Variants in PCGF6 observed in about 807,000 individuals in gnomAD.
PCGF6 encodes polycomb group ring finger 6.
PCGF6 carries 24 observed loss-of-function variants against 45.5 expected under a neutral mutation model. That is an observed-to-expected ratio of 0.53 (90% confidence interval 0.38 to 0.74). The LOEUF (loss-of-function observed/expected upper bound fraction) is 0.74, where lower values mean the gene tolerates loss of function less well. Among genes scored for constraint, PCGF6 ranks in the 30% least tolerant of loss-of-function variants. The probability of loss-of-function intolerance (pLI) is 0.00; values close to 1 mark genes in which losing one functional copy is unlikely to be tolerated. For missense variants in PCGF6, 356 were observed against 443.2 expected (o/e 0.80, Z 1.77); for synonymous variants, 152 against 162.1 (o/e 0.94, Z 0.47).
intron 7 of PCGF6, among the ~76,000 whole-genome samples, chr10:103,329,011 C>G (rs1350481937): frequency 1.3e-5 from 2 of 151,750 alleles, no homozygotes; most frequent in Admixed American, 6.6e-5. Flanking sequence ...TCCCGAAGTG[C>G]TGGGATTACA....
chr10:103,349,154 T>C (rs570026874), intron 1 of PCGF6, among the ~76,000 whole-genome samples, 155 bp from the exon 2 acceptor site: 1 of 152,144 alleles, frequency 6.6e-6, no homozygotes, highest in East Asian at 1.9e-4. Context: ...TTAAAGCGAT[T>C]CTCCTGTCTC....
intron 6 of PCGF6, among the ~76,000 whole-genome samples, chr10:103,343,982 C>T (rs1000113339): frequency 2.0e-5 from 3 of 151,896 alleles, no homozygotes; most frequent in African/African-American, 7.2e-5. Context: ...AATTTGTTTA[C>T]GGCAACATTG....
At chr10:103,329,861 C>T (rs1176447145) in intron 7 of PCGF6, among the ~76,000 whole-genome samples, 1 of 151,950 alleles carries the variant, frequency 6.6e-6, no homozygotes, top group Non-Finnish European at 1.5e-5. Context: ...TCACTGCAAA[C>T]TCTGCCTCCT....
In PCGF6 at chr10:103,326,721, T is replaced by C. The variant is rs1592064737; in HGVS notation, c.811-89A>G. On this transcript the variant is annotated intron_variant, in intron 7 of 9. Transcript: ENST00000369847. The stretch of plus-strand genomic sequence containing the variant: ...TGTATATATATGTAATGTGTAAACA[T>C]TAAAGAAAATTTTATAGCGAAGATG... 12 of 855,726 alleles carry C rather than the reference T, an allele frequency of 1.4e-5. No homozygotes were observed. The East Asian group carries it at 3.1e-4, about 22-fold the overall frequency. 53.0% of individuals were successfully genotyped at this position (855,726 alleles called of 1,614,324 possible). A position where few individuals can be genotyped will look rare whatever the true frequency, so the allele number is the denominator to read the frequency against.
At chr10:103,323,303 CTTTT>C (rs892888362) in intron 8 of PCGF6, among the ~76,000 whole-genome samples, 1 of 149,438 alleles carries the variant, frequency 6.7e-6, no homozygotes, top group African/African-American at 2.5e-5. Context: ...CTTTCAGTCA[CTTTT>C]TTTTTTGAGT....
chr10:103,346,953 T>C (rs1440672171), intron 5 of PCGF6, among the ~76,000 whole-genome samples: 1 of 152,242 alleles, frequency 6.6e-6, no homozygotes, highest in East Asian at 1.9e-4. Context: ...AGTGGTATGA[T>C]TATCATTATT....
chr10:103,316,009 T>TAGAGAGAGAG (rs1398812514), intron 8 of PCGF6, among the ~76,000 whole-genome samples: 1 of 127,336 alleles, frequency 7.9e-6, no homozygotes, highest in South Asian at 2.4e-4. Context: ...TATATATATA[T>TAGAGAGAGAG]ATATAGAGAG....
intron 7 of PCGF6, among the ~76,000 whole-genome samples, chr10:103,331,370 G>C (rs941159193): frequency 6.6e-6 from 1 of 151,992 alleles, no homozygotes; most frequent in African/African-American, 2.4e-5. Context: ...TGATTCTCTT[G>C]CCTCAGCTTC....
At chr10:103,325,285 G>A (rs934415785) in intron 8 of PCGF6, among the ~76,000 whole-genome samples, 8 of 151,944 alleles carry the variant, frequency 5.3e-5, no homozygotes, top group African/African-American at 7.3e-5. Context: ...ACGGAGTCTC[G>A]CTCTGTCGTC....
chr10:103,332,175 A>G (rs2093242469), intron 7 of PCGF6, among the ~76,000 whole-genome samples: 1 of 152,220 alleles, frequency 6.6e-6, no homozygotes, highest in South Asian at 2.1e-4. Flanking sequence ...TGTCTTGGCA[A>G]GAACACTTCA....
chr10:103,348,134 T>C (rs964652671), intron 3 of PCGF6, among the ~76,000 whole-genome samples: 3 of 152,118 alleles, frequency 2.0e-5, no homozygotes, highest in Non-Finnish European at 4.4e-5. Flanking sequence ...GAATTTGGAA[T>C]ACCTATATAC....
chr10:103,326,388 C>CAA (rs371726949), intron 8 of PCGF6, 146 bp downstream of exon 8: 3,180 of 237,858 alleles, frequency 0.013, no homozygotes, highest in South Asian at 0.017. Flanking sequence ...GACTCCATCT[C>CAA]AAAAAAAAAA....
At chr10:103,317,231 A>C (rs2093179309) in intron 8 of PCGF6, among the ~76,000 whole-genome samples, 1 of 152,002 alleles carries the variant, frequency 6.6e-6, no homozygotes, top group Admixed American at 6.6e-5. Context: ...GCCTGGTCTC[A>C]AACTCCTAAC....
chr10:103,342,953 G>C lies in PCGF6; in HGVS notation c.782+2071C>G, dbSNP rs573509844. On this transcript the variant is annotated intron_variant, in intron 6 of 9. Coordinates refer to ENST00000369847, the MANE Select transcript of PCGF6 (RefSeq NM_001011663.2). ...CTTTTAGGGGTTCTTTTCTTTTTGA[G>C]ACGGAGTCTCTGCCGCCCAGGCTGG... Among the ~76,000 whole-genome samples the C allele has an allele frequency of 3.3e-5, 5 of 152,102 alleles. No individual in the cohort carries two copies. In the East Asian group the frequency reaches 9.7e-4, roughly 29 times the overall value.
At chr10:103,338,628 A>G (rs2093267389) in intron 6 of PCGF6, among the ~76,000 whole-genome samples, 1 of 151,816 alleles carries the variant, frequency 6.6e-6, no homozygotes, top group Admixed American at 6.6e-5. Flanking sequence ...ATACTTTGGG[A>G]GGCTGAGGTG....
intron 6 of PCGF6, among the ~76,000 whole-genome samples, chr10:103,334,955 A>G (rs531026931): frequency 6.1e-4 from 93 of 152,348 alleles, no homozygotes; most frequent in Non-Finnish European, 1.1e-3. Flanking sequence ...ACTGAAATTC[A>G]CACTCAGGTG....
intron 8 of PCGF6, among the ~76,000 whole-genome samples, chr10:103,316,991 A>C (rs905529872): frequency 2.0e-5 from 3 of 152,090 alleles, no homozygotes; most frequent in Admixed American, 6.6e-5. Flanking sequence ...ATTTGGTACC[A>C]TCATTGTTTT....
chr10:103,324,594 T>A (rs2093209951), intron 8 of PCGF6, among the ~76,000 whole-genome samples: 1 of 150,596 alleles, frequency 6.6e-6, no homozygotes, highest in Non-Finnish European at 1.5e-5. Flanking sequence ...ACCCCGTCTC[T>A]ACTAAAAATA....
chr10:103,311,568 G>A (rs988079473), intron 9 of PCGF6, among the ~76,000 whole-genome samples: 14 of 151,220 alleles, frequency 9.3e-5, no homozygotes, highest in African/African-American at 3.2e-4. Context: ...CCTGCCTCCC[G>A]AAGTGCTGGG....
Sources: gnomAD v4.1 joint callset for allele counts (sites outside exome capture counted in the v4.1 genomes callset) on GRCh38, gnomAD v4.1.1 for gene constraint, MANE v1.5 for transcripts, NCBI Gene and HGNC (gene_info 2026-07-23, HGNC 2026-07-21) for gene names.